PCDHA4: variants seen among roughly 807,000 people sequenced by gnomAD.
The protein encoded by PCDHA4 is protocadherin alpha-4.
In PCDHA4, 49 loss-of-function variants were observed where a neutral mutation model predicts 61.4. The observed-to-expected ratio is 0.80, with a 90% confidence interval of 0.63 to 1.01. The LOEUF is 1.01. PCDHA4 is among the 50% of genes least tolerant of loss of function. The probability of loss-of-function intolerance (pLI) is 0.00; values close to 1 mark genes in which losing one functional copy is unlikely to be tolerated. For synonymous variants in PCDHA4, 590 were observed against 550.3 expected (o/e 1.07, Z -1.01); for missense variants, 1,254 against 1,235.8 (o/e 1.01, Z -0.22).
intron 1 of PCDHA4, among the ~76,000 whole-genome samples, chr5:140,831,987 G>A (rs1349953832): frequency 2.6e-5 from 4 of 152,118 alleles, no homozygotes; most frequent in South Asian, 2.1e-4. Flanking sequence ...CTCTCATTAC[G>A]GATTCCATAT....
chr5:140,967,645 G>A lies in PCDHA4; in HGVS notation c.2386-11304G>A, dbSNP rs782043521. ...ATGAGGGCTCCAATGGTGAGCTCAG[G>A]TACTCCTTGAGCAGCTACACGTCGG... On this transcript the variant is annotated intron_variant, in intron 1 of 3. Transcript: ENST00000530339. 1.9e-5 allele frequency: 30 copies of A among 1,614,144 alleles called. 1 individual carries two copies. In the South Asian group the frequency reaches 3.2e-4, roughly 17 times the overall value.
At chr5:140,869,937 A>C (rs782444890) in intron 1 of PCDHA4, 1 of 1,612,006 alleles carries the variant, frequency 6.2e-7, no homozygotes, top group Non-Finnish European at 8.5e-7. Flanking sequence ...GAGAGGTAAC[A>C]TACTCCTTAA....
rs2150134243 is a variant in PCDHA4, at chr5:140,824,366, T to G, written c.2385+14794T>G. On this transcript the variant is annotated intron_variant, in intron 1 of 3. Transcript: ENST00000530339. ...TAAAATAATATTTTATATTAGCATT[T>G]GAATTTTGCATCTCTAAAAATGTAG... 3.7e-5 allele frequency: 21 copies of G among 572,978 alleles called. 1 individual carries two copies. The highest frequency in any genetic ancestry group is 2.8e-4 in the Admixed American group (8 of 28,562). 35.5% of individuals were successfully genotyped at this position (572,978 alleles called of 1,614,324 possible).
intron 1 of PCDHA4, chr5:140,857,742 T>A (rs375305711): frequency 1.3e-6 from 2 of 1,597,392 alleles, no homozygotes; most frequent in Non-Finnish European, 1.7e-6. Flanking sequence ...CCCGCGCTGC[T>A]GGCGTCTCCC....
At chr5:140,857,970 C>A (rs782641512) in intron 1 of PCDHA4, 1 of 1,596,952 alleles carries the variant, frequency 6.3e-7, no homozygotes, top group Non-Finnish European at 8.6e-7. Flanking sequence ...GAGACTGACT[C>A]GCCACGCCAG....
At position 140,836,017 on chromosome 5, in the gene PCDHA4, T is replaced by C. The variant is rs1201962731; in HGVS notation, c.2385+26445T>C. Reference sequence around the variant, plus strand: ...GCGCGCGATGCGGGCGTGCCGCCTCTGGGCAGCAACGTGACGCTGCAGGTG... The same window carrying C: ...GCGCGCGATGCGGGCGTGCCGCCTCCGGGCAGCAACGTGACGCTGCAGGTG... On this transcript the variant is annotated intron_variant, in intron 1 of 3. Transcript: ENST00000530339. The C allele has an allele frequency of 5.6e-6, 9 of 1,613,360 alleles. No individual in the cohort carries two copies. In the African/African-American group the frequency reaches 1.1e-4, roughly 19 times the overall value.
In PCDHA4 at chr5:141,010,336, G is replaced by A. The variant is rs1297379181; in HGVS notation, c.*399G>A. ...AGATTGAGCAGCTTGGGAGTTTGTG[G>A]CCACTGGGTATGTGTGGCTACCGCG... On this transcript the variant is annotated 3_prime_UTR_variant, in exon 4 of 4. Coordinates refer to ENST00000530339, the MANE Select transcript of PCDHA4 (RefSeq NM_018907.4). 25 of 1,535,806 alleles carry A rather than the reference G, an allele frequency of 1.6e-5. No individual in the cohort carries two copies. The highest frequency in any genetic ancestry group is 2.2e-5 in the Non-Finnish European group (25 of 1,141,450).
intron 1 of PCDHA4, among the ~76,000 whole-genome samples, chr5:140,889,028 C>T (rs1015343865): frequency 4.0e-5 from 6 of 151,754 alleles, no homozygotes; most frequent in African/African-American, 7.3e-5. Flanking sequence ...CTTGGATAAC[C>T]GTAATTTGAT....
Position 141,009,965 on chromosome 5 carries a change from G to A in PCDHA4, c.*28G>A, listed in dbSNP as rs782001097. On this transcript the variant is annotated 3_prime_UTR_variant, in exon 4 of 4. Coordinates refer to ENST00000530339, the MANE Select transcript of PCDHA4 (RefSeq NM_018907.4). ...TCCTCAAATGGAAACAAGCCACTTA[G>A]CCAGTTTTTGTAATAATGGCAAATC... is the stretch of plus-strand genomic sequence containing the variant. 1.6e-5 allele frequency: 26 copies of A among 1,587,906 alleles called. No individual in the cohort carries two copies. Among genetic ancestry groups the A allele is most frequent in the Non-Finnish European group, 2.6e-6 (3 of 1,170,436 alleles).
chr5:140,994,962 T>C (rs2097657475), intron 3 of PCDHA4, among the ~76,000 whole-genome samples: 2 of 152,208 alleles, frequency 1.3e-5, no homozygotes, highest in Admixed American at 1.3e-4. Flanking sequence ...TGTAGTTTCA[T>C]TTGTTGGCCA....
intron 2 of PCDHA4, among the ~76,000 whole-genome samples, chr5:140,979,246 C>A (rs944063929): frequency 2.0e-5 from 3 of 152,206 alleles, no homozygotes; most frequent in African/African-American, 7.2e-5. Context: ...AAACAGGCTG[C>A]TATGTATTTT....
intron 3 of PCDHA4, among the ~76,000 whole-genome samples, chr5:141,007,874 T>TA (rs2098349969): frequency 6.6e-6 from 1 of 152,244 alleles, no homozygotes; most frequent in African/African-American, 2.4e-5. Flanking sequence ...TCCTTTGTCT[T>TA]ACACTTCTTT....
At chr5:140,884,166 C>A in intron 1 of PCDHA4, 1 of 1,613,430 alleles carries the variant, frequency 6.2e-7, no homozygotes, top group Non-Finnish European at 8.5e-7. Context: ...GAGATCAGCA[C>A]GACGCGCCCT....
At chr5:141,006,412 A>G (rs1423476125) in intron 3 of PCDHA4, among the ~76,000 whole-genome samples, 7 of 151,898 alleles carry the variant, frequency 4.6e-5, no homozygotes, top group African/African-American at 1.7e-4. Flanking sequence ...ACGCGGTTTC[A>G]CTGTGTTAGC....
intron 1 of PCDHA4, chr5:140,834,490 C>CCG (rs1360938098): frequency 5.0e-6 from 8 of 1,614,154 alleles, no homozygotes; most frequent in Non-Finnish European, 5.9e-6. Flanking sequence ...TACTCGGTCC[C>CCG]CGAGGAGGCT....
intron 1 of PCDHA4, among the ~76,000 whole-genome samples, chr5:140,941,034 G>A (rs1384147296): frequency 6.6e-6 from 1 of 151,968 alleles, no homozygotes; most frequent in Non-Finnish European, 1.5e-5. Context: ...GGCCTTTTTG[G>A]TGCCAAGTCA....
At chr5:140,833,823 A>G (rs1772674429) in intron 1 of PCDHA4, among the ~76,000 whole-genome samples, 3 of 152,162 alleles carry the variant, frequency 2.0e-5, no homozygotes, top group Admixed American at 1.3e-4. Flanking sequence ...CTGGGTCCCT[A>G]AAAGAGTACA....
In PCDHA4 at chr5:140,972,962, A is replaced by G. The variant is rs550755148; in HGVS notation, c.2386-5987A>G. Among the ~76,000 whole-genome samples the G allele has an allele frequency of 1.5e-3, 231 of 152,144 alleles. 1 individual carries two copies. The highest frequency in any genetic ancestry group is 2.9e-3 in the Non-Finnish European group (194 of 67,976). ...CAGATGTGAGCCACCATGCCCGGCA[A>G]AGGAAACCAAATCTTAAGGTAGATT... On this transcript the variant is annotated intron_variant, in intron 1 of 3. Transcript: ENST00000530339.
At chr5:140,892,927 C>G (rs1554185442) in intron 1 of PCDHA4, among the ~76,000 whole-genome samples, 1 of 152,152 alleles carries the variant, frequency 6.6e-6, no homozygotes, top group African/African-American at 2.4e-5. Context: ...CCTTCCCAGC[C>G]TCTGATAAGC....
Sources: allele counts gnomAD v4.1 joint callset (sites outside exome capture counted in the v4.1 genomes callset), GRCh38; gene constraint gnomAD v4.1.1; transcripts MANE v1.5; gene names NCBI Gene and HGNC (gene_info 2026-07-23, HGNC 2026-07-21).